The following FLT1 variants were observed in gnomAD, a reference collection of about 807,000 sequenced individuals.
The protein encoded by FLT1 is vascular endothelial growth factor receptor 1.
Under a neutral mutation model 156.3 loss-of-function variants are expected in FLT1, and 49 were observed. The observed-to-expected ratio is 0.31, with a 90% confidence interval of 0.25 to 0.40. The LOEUF (loss-of-function observed/expected upper bound fraction) is 0.40, where lower values mean the gene tolerates loss of function less well. Among genes scored for constraint, FLT1 ranks in the 10% least tolerant of loss-of-function variants. The pLI is 1.00. For synonymous variants in FLT1, 594 were observed against 583.8 expected (o/e 1.02, Z -0.25); for missense variants, 1,322 against 1,637.2 (o/e 0.81, Z 3.32).
intron 3 of FLT1, among the ~76,000 whole-genome samples, chr13:28,466,095 C>A (rs1306731890): frequency 6.6e-6 from 1 of 151,976 alleles, no homozygotes; most frequent in Non-Finnish European, 1.5e-5. Flanking sequence ...TTAATCCCCT[C>A]AAGATTTGAA....
chr13:28,494,531 G>A (rs376308484), intron 1 of FLT1, among the ~76,000 whole-genome samples: 187 of 152,276 alleles, frequency 1.2e-3, no homozygotes, highest in African/African-American at 4.3e-3. Context: ...CAGCCCCAGC[G>A]CGGACCCGGT....
At chr13:28,478,904 C>A (rs955535821) in intron 1 of FLT1, among the ~76,000 whole-genome samples, 1 of 152,032 alleles carries the variant, frequency 6.6e-6, no homozygotes, top group African/African-American at 2.4e-5. Flanking sequence ...GCTTCAGAAT[C>A]GATTACAAAT....
intron 11 of FLT1, among the ~76,000 whole-genome samples, chr13:28,404,093 G>T (rs1875637305): frequency 6.6e-6 from 1 of 151,462 alleles, no homozygotes; most frequent in Non-Finnish European, 1.5e-5. Flanking sequence ...AAACTTTCAA[G>T]TTTATATAAC....
At chr13:28,440,890 G>C (rs1323642059) in intron 3 of FLT1, among the ~76,000 whole-genome samples, 1 of 152,122 alleles carries the variant, frequency 6.6e-6, no homozygotes, top group Non-Finnish European at 1.5e-5. Flanking sequence ...GTTAGAGTTG[G>C]CAGTTAGGCA....
rs780457674 is a variant in FLT1, at chr13:28,492,958, AG to A, written c.64+1821del. On this transcript the variant is annotated intron_variant, in intron 1 of 29. Transcript: ENST00000282397. ...AAAAAAGTGCAAATAAAAAAAAAAA[AG>A]AAATTCAGAGTTGCAAAACTGCTGC... Among the ~76,000 whole-genome samples, 9 of 152,062 alleles carry A rather than the reference AG, an allele frequency of 5.9e-5. No individual in the cohort carries two copies. The East Asian group carries it at 1.3e-3, about 23-fold the overall frequency.
At chr13:28,461,116 G>T (rs1413045693) in intron 3 of FLT1, among the ~76,000 whole-genome samples, 1 of 150,818 alleles carries the variant, frequency 6.6e-6, no homozygotes, top group Non-Finnish European at 1.5e-5. Flanking sequence ...GAGACTACAG[G>T]TGGATGCCCC....
chr13:28,363,728 C>G lies in FLT1; in HGVS notation c.2117-6043G>C, dbSNP rs560453998. ...TCCTGGGTTCAAGTGATTCTCCTCT[C>G]TCAGCCTCCCAAGTAGCTGGGATTA... On this transcript the variant is annotated intron_variant, in intron 14 of 29. Coordinates refer to ENST00000282397, the MANE Select transcript of FLT1 (RefSeq NM_002019.4). 8.3e-4 allele frequency among the ~76,000 whole-genome samples: 127 copies of G among 152,122 alleles called. 2 individuals are homozygous for G. Among genetic ancestry groups the G allele is most frequent in the African/African-American group, 3.0e-3 (125 of 41,496 alleles).
chr13:28,312,519 A>G (rs1871047151), intron 25 of FLT1, among the ~76,000 whole-genome samples: 1 of 152,174 alleles, frequency 6.6e-6, no homozygotes, highest in Non-Finnish European at 1.5e-5. Context: ...GTTAAAAAAA[A>G]AAAAAGTCAT....
intron 16 of FLT1, among the ~76,000 whole-genome samples, chr13:28,342,946 TTCTCTCTC>T (rs61022115): frequency 4.1e-4 from 59 of 143,092 alleles, no homozygotes; most frequent in Middle Eastern, 7.5e-3. Context: ...CTTTCTTTCT[TTCTCTCTC>T]TCTCTCTCTC....
intron 1 of FLT1, among the ~76,000 whole-genome samples, chr13:28,487,658 A>G (rs74043728): frequency 6.6e-6 from 1 of 152,280 alleles, no homozygotes; most frequent in African/African-American, 2.4e-5. Flanking sequence ...AGGCACATGA[A>G]ATGTGTGATC....
chr13:28,413,605 A>G (rs377723769), intron 10 of FLT1, among the ~76,000 whole-genome samples: 1 of 152,294 alleles, frequency 6.6e-6, no homozygotes, highest in South Asian at 2.1e-4. Flanking sequence ...GAAATAAGAA[A>G]TCTTTAAAAA....
Position 28,306,697 on chromosome 13 carries a change from T to G in FLT1, c.3796A>C (p.Lys1266Gln). 6.2e-7 allele frequency: 1 copy of G among 1,613,234 alleles called. No individual in the cohort carries two copies. The highest frequency in any genetic ancestry group is 8.5e-7 in the Non-Finnish European group (1 of 1,179,234). The change falls in exon 29 of 30, where the codon AAG becomes CAG. Residue 1266 changes from lysine to glutamine, a missense_variant. Coordinates refer to ENST00000282397, the MANE Select transcript of FLT1 (RefSeq NM_002019.4). ...KRFTWTDSKP[K>Q]ASLKIDLRVT... ...TCTTACTCAATCTTGAGCGAGGCCT[T>G]GGGTTTGCTGTCAGTCCAGGTGAAG... is the stretch of plus-strand genomic sequence containing the variant.
intron 3 of FLT1, among the ~76,000 whole-genome samples, chr13:28,455,735 C>T (rs1036687237): frequency 6.6e-6 from 1 of 152,104 alleles, no homozygotes; most frequent in Admixed American, 6.5e-5. Flanking sequence ...GCAAAAGATA[C>T]AGCTGAAAAA....
At chr13:28,433,272 C>T (rs754892326) in intron 6 of FLT1, among the ~76,000 whole-genome samples, 13 of 152,196 alleles carry the variant, frequency 8.5e-5, no homozygotes, top group East Asian at 1.9e-4. Context: ...GGGAACCCAA[C>T]GCAGGCTTCA....
At chr13:28,374,804 T>C (rs1873774179) in intron 14 of FLT1, among the ~76,000 whole-genome samples, 2 of 152,124 alleles carry the variant, frequency 1.3e-5, no homozygotes, top group African/African-American at 4.8e-5. Flanking sequence ...TGAGCCACCG[T>C]GCCCGGCCCT....
chr13:28,342,097 G>A lies in FLT1; in HGVS notation c.2356-2797C>T, dbSNP rs113227210. 5.9e-3 allele frequency among the ~76,000 whole-genome samples: 898 copies of A among 152,156 alleles called. 11 individuals carry two copies. The highest frequency in any genetic ancestry group is 0.021 in the African/African-American group (857 of 41,470). On this transcript the variant is annotated intron_variant, in intron 16 of 29. Transcript: ENST00000282397. ...AGGGTTTCACCATGTTGGCCAGGCT[G>A]GTCTCAAACTCCTGACTTCAAATGA...
intron 11 of FLT1, among the ~76,000 whole-genome samples, chr13:28,397,680 C>T (rs73453258): frequency 0.098 from 14,762 of 150,962 alleles, 810 homozygotes; most frequent in African/African-American, 0.13. Flanking sequence ...TGCCACTGTA[C>T]CTGGCTTGAA....
chr13:28,427,884 G>T lies in FLT1; in HGVS notation c.1144C>A (p.Arg382Ser), dbSNP rs766489043. ...AACGAGTAGCCACGAGTCAAATAGC[G>T]AGCAGATTTCTCAGTCGCAGGTAAC... ...DGLPATEKSA[R>S]YLTRGYSLII... Residue 382 changes from arginine (R) to serine (S), a missense_variant, in exon 9 of 30, where the codon CGC (arginine) becomes AGC (serine). By Grantham distance (110) the Arg-to-Ser change is moderately radical (BLOSUM62 -1). This residue lies in a region of FLT1 where 991 missense variants were observed against 1,254.8 expected (regional missense o/e 0.79). Coordinates refer to ENST00000282397, the MANE Select transcript of FLT1 (RefSeq NM_002019.4). The T allele has an allele frequency of 2.5e-6, 4 of 1,613,878 alleles. No individual in the cohort carries two copies. Among genetic ancestry groups the T allele is most frequent in the Non-Finnish European group, 2.5e-6 (3 of 1,179,860 alleles).
chr13:28,371,409 A>G (rs1357398663), intron 14 of FLT1, among the ~76,000 whole-genome samples: 1 of 152,060 alleles, frequency 6.6e-6, no homozygotes, highest in Non-Finnish European at 1.5e-5. Flanking sequence ...TCGCTGTCTC[A>G]CTCTGTCCCT....
Sources: gnomAD v4.1 joint callset for allele counts (sites outside exome capture counted in the v4.1 genomes callset) on GRCh38, gnomAD v4.1.1 for gene constraint, gnomAD v4.1.1 regional missense constraint, MANE v1.5 for transcripts, NCBI Gene and HGNC (gene_info 2026-07-23, HGNC 2026-07-21) for gene names.